The following ERC1 variants were observed in gnomAD, a reference collection of about 807,000 sequenced individuals.
ERC1 encodes ELKS/RAB6-interacting/CAST family member 1.
ERC1 carries 56 observed loss-of-function variants against 132.0 expected under a neutral mutation model. That is an observed-to-expected ratio of 0.42 (90% CI 0.34 to 0.53). ERC1 has a LOEUF of 0.53. Ranked by LOEUF, ERC1 falls within the 20% of genes least tolerant of loss-of-function variation. The pLI is 0.03. For missense variants in ERC1, 1,202 were observed against 1,349.9 expected (o/e 0.89, Z 1.72); for synonymous variants, 478 against 476.1 (o/e 1.00, Z -0.05).
At chr12:1,021,867 A>G (rs1966433887) in intron 1 of ERC1, among the ~76,000 whole-genome samples, 1 of 152,136 alleles carries the variant, frequency 6.6e-6, no homozygotes. Flanking sequence ...GCTGTGAGTA[A>G]TAAAAGTTCT....
intron 7 of ERC1, among the ~76,000 whole-genome samples, chr12:1,137,248 G>A (rs1337923233): frequency 2.0e-5 from 3 of 151,154 alleles, no homozygotes; most frequent in South Asian, 2.1e-4. Context: ...ATAGGCAAGC[G>A]CCACCACGCC....
intron 14 of ERC1, among the ~76,000 whole-genome samples, chr12:1,278,013 T>G (rs2078399588): frequency 6.6e-6 from 1 of 152,186 alleles, no homozygotes; most frequent in Admixed American, 6.5e-5. Flanking sequence ...GAATCCCCTT[T>G]GTTATGGTGG....
intron 12 of ERC1, among the ~76,000 whole-genome samples, chr12:1,216,159 A>G (rs1958387469): frequency 6.6e-6 from 1 of 152,090 alleles, no homozygotes; most frequent in African/African-American, 2.4e-5. Flanking sequence ...TAATAATGAA[A>G]TCAGAAACTC....
At chr12:1,474,847 C>T (rs2154428985) in intron 18 of ERC1, among the ~76,000 whole-genome samples, 1 of 152,198 alleles carries the variant, frequency 6.6e-6, no homozygotes, top group East Asian at 1.9e-4. Flanking sequence ...GAGCTTCCTC[C>T]GTTCGTTTCT....
rs1220802088 is a variant in ERC1, at chr12:1,102,234, G to A, written c.1087-2516G>A. Among the ~76,000 whole-genome samples the A allele has an allele frequency of 4.6e-5, 7 of 152,108 alleles. No homozygotes were observed. The East Asian group carries it at 5.8e-4, about 13-fold the overall frequency. On this transcript the variant is annotated intron_variant, in intron 3 of 18. Coordinates refer to ENST00000360905, the MANE Select transcript of ERC1 (RefSeq NM_178040.4). ...GGTTTTTTATTTGCTATTTTAGATC[G>A]TATGGTTCAGTGGAGAGGTGAGGAT...
chr12:1,121,853 A>C (rs373379284), intron 7 of ERC1, among the ~76,000 whole-genome samples: 1 of 28,578 alleles, frequency 3.5e-5, no homozygotes, highest in African/African-American at 1.2e-4. Flanking sequence ...CTCTATCTCT[A>C]TCTCTATCTC....
intron 8 of ERC1, among the ~76,000 whole-genome samples, chr12:1,143,055 C>T (rs929897960): frequency 1.3e-5 from 2 of 152,012 alleles, no homozygotes; most frequent in African/African-American, 4.8e-5. Context: ...CCTGCCCCCA[C>T]ATCTGGTTAA....
At chr12:1,289,819 A>G in intron 14 of ERC1, 33 bp from the exon 15 acceptor site, 1 of 1,596,148 alleles carries the variant, frequency 6.3e-7, no homozygotes, top group Non-Finnish European at 8.6e-7. Context: ...TGATCAAGAC[A>G]CTCTGTTGTT....
chr12:1,479,875 G>A (rs1047296106), intron 18 of ERC1, among the ~76,000 whole-genome samples: 1 of 152,158 alleles, frequency 6.6e-6, no homozygotes, highest in Non-Finnish European at 1.5e-5. Flanking sequence ...GCACGGAGCT[G>A]TCGTGAGCCG....
rs528183672 is a variant in ERC1 at position 1,091,632 on chromosome 12, A to G, written c.1086+8052A>G. ...CAAATCCATGCTGTCTTTGAGAAAA[A>G]GTACCTGCCTTTATGATCCTTGCAG... On this transcript the variant is annotated intron_variant, in intron 3 of 18. Transcript: ENST00000360905. 4.4e-4 allele frequency among the ~76,000 whole-genome samples: 67 copies of G among 152,354 alleles called. 1 individual carries two copies. Among genetic ancestry groups the G allele is most frequent in the African/African-American group, 1.6e-3 (66 of 41,580 alleles).
intron 14 of ERC1, among the ~76,000 whole-genome samples, chr12:1,277,240 G>A (rs11061682): frequency 0.42 from 63,191 of 152,106 alleles, 13,754 homozygotes; most frequent in African/African-American, 0.53. Flanking sequence ...CCACTCGGAA[G>A]TACCAGGCCA....
chr12:1,183,907 G>A (rs139130499), intron 11 of ERC1, among the ~76,000 whole-genome samples: 67 of 145,366 alleles, frequency 4.6e-4, no homozygotes, highest in Middle Eastern at 3.4e-3. Context: ...AGGCCGAGGC[G>A]GGCAGATGAC....
chr12:1,235,367 A>C (rs1229647906), intron 12 of ERC1, among the ~76,000 whole-genome samples: 1 of 152,236 alleles, frequency 6.6e-6, no homozygotes, highest in Non-Finnish European at 1.5e-5. Flanking sequence ...TCGGAAGAAA[A>C]ATAAAATTGA....
intron 15 of ERC1, among the ~76,000 whole-genome samples, chr12:1,339,764 C>T (rs994043253): frequency 6.6e-6 from 1 of 152,086 alleles, no homozygotes; most frequent in African/African-American, 2.4e-5. Context: ...CTCTGTGTGC[C>T]CCAGGCAGGG....
At chr12:1,270,671 T>C (rs529676419) in intron 14 of ERC1, among the ~76,000 whole-genome samples, 1 of 151,740 alleles carries the variant, frequency 6.6e-6, no homozygotes, top group African/African-American at 2.4e-5. Flanking sequence ...ATTTAATATA[T>C]CTATTGGTTT....
intron 13 of ERC1, chr12:1,257,373 C>T (rs2076879169): frequency 6.6e-6 from 1 of 152,176 alleles, no homozygotes; most frequent in Non-Finnish European, 1.5e-5. Context: ...AATCAGTATT[C>T]ACTGTTTTCT....
intron 13 of ERC1, among the ~76,000 whole-genome samples, chr12:1,255,000 T>G (rs1309029620): frequency 1.3e-5 from 2 of 152,014 alleles, no homozygotes; most frequent in African/African-American, 4.8e-5. Flanking sequence ...ATGTGCAGTT[T>G]TGTTACATAG....
chr12:1,301,593 C>A (rs566730332), intron 15 of ERC1, among the ~76,000 whole-genome samples: 1 of 152,054 alleles, frequency 6.6e-6, no homozygotes, highest in Non-Finnish European at 1.5e-5. Context: ...CATGTTCTTA[C>A]AAGGGGAGCT....
At chr12:1,477,859 C>A (rs1489556221) in intron 18 of ERC1, among the ~76,000 whole-genome samples, 1 of 152,192 alleles carries the variant, frequency 6.6e-6, no homozygotes, top group East Asian at 1.9e-4. Context: ...TCATACCATA[C>A]TCTATTGTGT....
Sources: allele counts gnomAD v4.1 joint callset (sites outside exome capture counted in the v4.1 genomes callset), GRCh38; gene constraint gnomAD v4.1.1; transcripts MANE v1.5; gene names NCBI Gene and HGNC (gene_info 2026-07-23, HGNC 2026-07-21).